The following PTK2 variants were observed in gnomAD, a reference collection of about 807,000 sequenced individuals.
PTK2 encodes protein tyrosine kinase 2, also known as focal adhesion kinase 1.
PTK2 carries 45 observed loss-of-function variants against 150.1 expected under a neutral mutation model. The ratio of observed to expected loss-of-function variants is 0.30; its 90% confidence interval spans 0.24 to 0.38. The LOEUF (loss-of-function observed/expected upper bound fraction) is 0.38. PTK2 is among the 10% of genes least tolerant of loss of function. The probability of loss-of-function intolerance (pLI) is 1.00; values close to 1 mark genes in which losing one functional copy is unlikely to be tolerated. For missense variants in PTK2, 919 were observed against 1,307.3 expected, an observed-to-expected ratio of 0.70 and a Z score of 4.58; for synonymous variants, 432 against 449.2, an observed-to-expected ratio of 0.96 and a Z score of 0.48.
chr8:140,962,874 C>G (rs1034138715), intron 1 of PTK2, among the ~76,000 whole-genome samples: 10 of 144,860 alleles, frequency 6.9e-5, no homozygotes, highest in South Asian at 2.3e-4. Flanking sequence ...CCTTGTAGGT[C>G]CCCCCCCCCA....
Position 140,706,055 on chromosome 8 carries a change from C to T in PTK2, c.2229+64G>A, listed in dbSNP as rs974558376. ...ATAAATAAAAATATGCACAATGTAC[C>T]GCTCTACCCCAAAAGCGCTAAATAA... On this transcript the variant is annotated intron_variant, in intron 24 of 31. Transcript: ENST00000522684. 147 of 1,318,776 alleles carry T rather than the reference C, an allele frequency of 1.1e-4. 1 individual carries two copies. Among genetic ancestry groups the T allele is most frequent in the Non-Finnish European group, 1.4e-4 (127 of 923,254 alleles). 81.7% of individuals were successfully genotyped at this position (1,318,776 alleles called of 1,614,324 possible). A position where few individuals can be genotyped will look rare whatever the true frequency, so the allele number is the denominator to read the frequency against.
At chr8:140,896,604 T>C (rs2100156293) in intron 2 of PTK2, among the ~76,000 whole-genome samples, 1 of 152,076 alleles carries the variant, frequency 6.6e-6, no homozygotes, top group Non-Finnish European at 1.5e-5. Flanking sequence ...AAACTAGAAA[T>C]AGGATGAGAT....
chr8:140,838,833 C>T (rs2100120441), intron 7 of PTK2, among the ~76,000 whole-genome samples: 2 of 151,888 alleles, frequency 1.3e-5, no homozygotes, highest in South Asian at 2.1e-4. Context: ...GGTGAAATCC[C>T]GTCTCTACTA....
chr8:140,694,023 T>A (rs575770665), intron 26 of PTK2, among the ~76,000 whole-genome samples: 227 of 151,590 alleles, frequency 1.5e-3, no homozygotes, highest in African/African-American at 5.2e-3. Context: ...AAGCTAAGCA[T>A]CTTTTTTTCT....
intron 5 of PTK2, among the ~76,000 whole-genome samples, chr8:140,862,373 G>A (rs557331900): frequency 6.6e-5 from 10 of 152,188 alleles, no homozygotes; most frequent in African/African-American, 2.4e-4. Context: ...ATTCCTAAAG[G>A]ATGAGATGTA....
At chr8:140,909,900 A>G (rs2100162431) in intron 2 of PTK2, among the ~76,000 whole-genome samples, 1 of 152,204 alleles carries the variant, frequency 6.6e-6, no homozygotes, top group Non-Finnish European at 1.5e-5. Flanking sequence ...TAACCTTACT[A>G]TGGTAACATC....
At chr8:140,820,464 G>A (rs1192665950) in intron 8 of PTK2, 1 of 152,684 alleles carries the variant, frequency 6.5e-6, no homozygotes, top group African/African-American at 2.4e-5. Context: ...AGGAGCAGGA[G>A]AGACCAAGTC....
intron 22 of PTK2, among the ~76,000 whole-genome samples, chr8:140,731,720 C>T (rs2100049485): frequency 6.6e-6 from 1 of 152,084 alleles, no homozygotes; most frequent in African/African-American, 2.4e-5. Flanking sequence ...CATGGCAAAA[C>T]CCCATCTCTA....
rs568127346 is a variant in PTK2, at chr8:140,767,974, A to G, written c.1178-3684T>C. Among the ~76,000 whole-genome samples the G allele has an allele frequency of 1.4e-3, 219 of 152,112 alleles. 1 individual carries two copies. Among genetic ancestry groups the G allele is most frequent in the Non-Finnish European group, 2.0e-3 (134 of 67,882 alleles). ...AAGGAAAACAGAAAAATTACCCCCC[A>G]AGGGTTAATTCAAAAGATAAGGAAA... On this transcript the variant is annotated intron_variant, in intron 14 of 31. Coordinates refer to ENST00000522684, the Ensembl canonical transcript of PTK2.
At chr8:140,686,132 T>G (rs926758804) in intron 27 of PTK2, among the ~76,000 whole-genome samples, 2 of 152,168 alleles carry the variant, frequency 1.3e-5, no homozygotes, top group East Asian at 1.9e-4. Flanking sequence ...AGTGAACTAA[T>G]GCAGGAACAG....
At chr8:140,902,769 T>C (rs1377519206) in intron 2 of PTK2, among the ~76,000 whole-genome samples, 1 of 152,154 alleles carries the variant, frequency 6.6e-6, no homozygotes, top group Non-Finnish European at 1.5e-5. Context: ...TTGAGAAGTG[T>C]CTGTTCATAT....
chr8:140,859,422 ATAT>A (rs1455427467), intron 5 of PTK2, among the ~76,000 whole-genome samples: 1 of 152,178 alleles, frequency 6.6e-6, no homozygotes, highest in African/African-American at 2.4e-5. Context: ...CATATATCAG[ATAT>A]TATAGAATCT....
chr8:140,898,737 T>C (rs1020132786), intron 2 of PTK2, among the ~76,000 whole-genome samples: 2 of 152,156 alleles, frequency 1.3e-5, no homozygotes, highest in Admixed American at 1.3e-4. Context: ...TTACTGTACA[T>C]GTTAAGATCC....
chr8:140,974,140 C>T (rs1219695381), intron 1 of PTK2, among the ~76,000 whole-genome samples: 1 of 152,140 alleles, frequency 6.6e-6, no homozygotes, highest in Non-Finnish European at 1.5e-5. Flanking sequence ...AGTGCAGACT[C>T]CAGAACACAA....
chr8:140,666,742 T>C (rs570278620), intron 30 of PTK2, among the ~76,000 whole-genome samples: 1 of 152,268 alleles, frequency 6.6e-6, no homozygotes, highest in East Asian at 1.9e-4. Context: ...AAAAATAGAA[T>C]TATCAGTGAT....
intron 13 of PTK2, among the ~76,000 whole-genome samples, chr8:140,793,083 A>G (rs2100089459): frequency 6.6e-6 from 1 of 152,246 alleles, no homozygotes; most frequent in Non-Finnish European, 1.5e-5. Flanking sequence ...TAGCAATAAC[A>G]TATGAAGCAA....
intron 22 of PTK2, chr8:140,718,667 T>A (rs2100041124): frequency 6.6e-6 from 1 of 152,140 alleles, no homozygotes; most frequent in African/African-American, 2.4e-5. Context: ...CCAGACTTTC[T>A]AATCTGGGAA....
At chr8:140,735,999 G>T (rs1299363964) in intron 21 of PTK2, among the ~76,000 whole-genome samples, 3 of 152,254 alleles carry the variant, frequency 2.0e-5, no homozygotes, top group Non-Finnish European at 4.4e-5. Context: ...CCCCAGGAAA[G>T]ATGTGGAACT....
intron 10 of PTK2, among the ~76,000 whole-genome samples, chr8:140,809,134 G>C (rs1372568745): frequency 6.6e-6 from 1 of 152,030 alleles, no homozygotes; most frequent in Non-Finnish European, 1.5e-5. Flanking sequence ...GAAGAAAATG[G>C]CCTCCAAAGT....
Sources: allele counts gnomAD v4.1 joint callset (sites outside exome capture counted in the v4.1 genomes callset), GRCh38; gene constraint gnomAD v4.1.1; transcripts MANE v1.5; gene names NCBI Gene and HGNC (gene_info 2026-07-23, HGNC 2026-07-21).